The following SPATA21 variants were observed in gnomAD, a reference collection of about 807,000 sequenced individuals.
SPATA21 encodes spermatogenesis-associated protein 21.
Under a neutral mutation model 54.8 loss-of-function variants are expected in SPATA21, and 47 were observed. The ratio of observed to expected loss-of-function variants is 0.86; its 90% CI spans 0.68 to 1.09. The LOEUF (loss-of-function observed/expected upper bound fraction) is 1.09. Ranked by LOEUF, SPATA21 falls within the 50% of genes least tolerant of loss-of-function variation. The pLI is 0.00. For synonymous variants in SPATA21, 245 were observed against 235.3 expected (o/e 1.04, Z -0.38); for missense variants, 599 against 596.4 (o/e 1.00, Z -0.05).
At position 16,404,042 on chromosome 1, in the gene SPATA21, G is replaced by A; in HGVS notation, c.812-3C>T. On this transcript the variant is annotated splice_polypyrimidine_tract_variant and splice_region_variant and intron_variant, in intron 8 of 12. Transcript: ENST00000335496. ...TTTGAAGTCCACACGACCATCTCCT[G>A]TGGAGGCCAGAGGAGTAGGGTGGGC... The A allele has an allele frequency of 6.4e-7, 1 of 1,553,202 alleles. No individual in the cohort carries two copies. Among genetic ancestry groups the A allele is most frequent in the East Asian group, 2.4e-5 (1 of 41,086 alleles).
At chr1:16,406,260 C>G (rs2085637237) in intron 7 of SPATA21, among the ~76,000 whole-genome samples, 1 of 152,178 alleles carries the variant, frequency 6.6e-6, no homozygotes, top group Non-Finnish European at 1.5e-5. Flanking sequence ...GCTGGAGTTA[C>G]AGGCATGAGC....
chr1:16,404,851 G>C, intron 8 of SPATA21, 116 bp downstream of exon 8: 1 of 1,159,452 alleles, frequency 8.6e-7, no homozygotes, highest in Admixed American at 3.6e-5. Context: ...TGTGACAGTA[G>C]AGCATTAAAC....
intron 3 of SPATA21, among the ~76,000 whole-genome samples, chr1:16,423,757 T>C (rs2086239956): frequency 6.6e-6 from 1 of 151,854 alleles, no homozygotes; most frequent in Admixed American, 6.6e-5. Flanking sequence ...TTGGCCAAGC[T>C]GGTCTTGAAC....
chr1:16,413,452 C>T (rs537886072), intron 5 of SPATA21, among the ~76,000 whole-genome samples: 47 of 152,228 alleles, frequency 3.1e-4, no homozygotes, highest in Admixed American at 2.7e-3. Flanking sequence ...ATCTGTTATC[C>T]GTTGTGAATA....
At position 16,399,397 on chromosome 1, in the gene SPATA21, G is replaced by T; in HGVS notation, c.1299C>A (p.Gly433=). 1 of 1,614,028 alleles carries T rather than the reference G, an allele frequency of 6.2e-7. No homozygotes were observed. The highest frequency in any genetic ancestry group is 8.5e-7 in the Non-Finnish European group (1 of 1,180,012). The part of the protein sequence containing the change: ...HYALDQCTPP[G]LDPDIRSPFF... ...AGGGGCTGCGGATGTCAGGATCCAG[G>T]CCAGGGGGTGTGCACTGGTCTAGTG... Residue 433 remains glycine, a synonymous_variant, in exon 12 of 13, where the codon GGC becomes GGA. Transcript: ENST00000335496.
At chr1:16,396,173 C>G (rs1246980281), downstream of SPATA21, 1 of 152,538 alleles carries the variant, frequency 6.6e-6, no homozygotes, top group Non-Finnish European at 1.5e-5. Context: ...GAGTCTGCCT[C>G]CAGGACTCTG....
intron 5 of SPATA21, among the ~76,000 whole-genome samples, chr1:16,419,785 C>A (rs2086117172): frequency 6.6e-6 from 1 of 151,996 alleles, no homozygotes; most frequent in Non-Finnish European, 1.5e-5. Context: ...ACTAAAAATA[C>A]AAAAATTAAC....
chr1:16,409,271 G>T lies in SPATA21; in HGVS notation c.588-68C>A. The T allele has an allele frequency of 1.3e-6, 2 of 1,565,994 alleles. No homozygotes were observed. Among genetic ancestry groups the T allele is most frequent in the Non-Finnish European group, 1.8e-6 (2 of 1,141,644 alleles). On this transcript the variant is annotated intron_variant, in intron 6 of 12. Coordinates refer to ENST00000335496, the MANE Select transcript of SPATA21 (RefSeq NM_198546.1). The surrounding 1 kb of genome is among the most constrained non-coding windows in gnomAD (Gnocchi z 4.1). ...CCACCCTGCTGATAGCTAGGGGAGGGGTTGGGGGAGCCTGCAGGAGGAGGT... is the reference window on the plus strand; with the variant it reads ...CCACCCTGCTGATAGCTAGGGGAGGTGTTGGGGGAGCCTGCAGGAGGAGGT...
chr1:16,409,528 G>A lies in SPATA21; in HGVS notation c.587+73C>T. ...GGGAACAGGCAGGTGCAGGGACAGG[G>A]ACCTGCATCCGGGACAAGGCTCTGA... On this transcript the variant is annotated intron_variant, in intron 6 of 12. Transcript: ENST00000335496. This position sits in a 1 kb window ranked among gnomAD's most constrained non-coding sequence, Gnocchi z 4.1. 6.8e-7 allele frequency: 1 copy of A among 1,464,512 alleles called. No individual in the cohort carries two copies. The highest frequency in any genetic ancestry group is 9.2e-7 in the Non-Finnish European group (1 of 1,082,008). The allele number at this position is 1,464,512 out of a possible 1,614,324, so 90.7% of individuals were successfully genotyped here. A position where few individuals can be genotyped will look rare whatever the true frequency, so the allele number is the denominator to read the frequency against.
At chr1:16,398,372 C>T (rs2100767039), downstream of SPATA21, among the ~76,000 whole-genome samples, 2 of 152,258 alleles carry the variant, frequency 1.3e-5, no homozygotes, top group Non-Finnish European at 1.5e-5. Context: ...GAGGCCACCT[C>T]CTGCTCTTCC....
chr1:16,412,517 T>C (rs138967650), intron 5 of SPATA21, among the ~76,000 whole-genome samples: 6,547 of 152,162 alleles, frequency 0.043, 163 homozygotes, highest in Middle Eastern at 0.11. Context: ...GGCTGGAGGG[T>C]AGTGGCACGA....
At chr1:16,433,514 T>C (rs1409388028) in intron 1 of SPATA21, among the ~76,000 whole-genome samples, 2 of 152,228 alleles carry the variant, frequency 1.3e-5, no homozygotes, top group African/African-American at 4.8e-5. Context: ...CAGGGGTGGA[T>C]GAACCACCTA....
intron 7 of SPATA21, among the ~76,000 whole-genome samples, chr1:16,408,907 G>GC (rs766727122): frequency 7.3e-4 from 84 of 115,702 alleles, no homozygotes; most frequent in Admixed American, 9.7e-4. Flanking sequence ...CATGAGTTCT[G>GC]GCCCCCCCAA....
At chr1:16,413,969 A>T (rs2085927261) in intron 5 of SPATA21, among the ~76,000 whole-genome samples, 1 of 152,042 alleles carries the variant, frequency 6.6e-6, no homozygotes, top group African/African-American at 2.4e-5. Flanking sequence ...AGCAGTACAC[A>T]GATGTTCCAG....
At chr1:16,403,492 CTTT>C (rs1202879935) in intron 10 of SPATA21, among the ~76,000 whole-genome samples, 3 of 83,298 alleles carry the variant, frequency 3.6e-5, no homozygotes, top group African/African-American at 3.2e-5. Flanking sequence ...TCTTTTTTTT[CTTT>C]TTTTTTTTTT....
At chr1:16,410,863 G>A (rs1037217643) in intron 5 of SPATA21, 1 of 381,120 alleles carries the variant, frequency 2.6e-6, no homozygotes, top group Non-Finnish European at 5.3e-6. Flanking sequence ...GGTCTTGAGT[G>A]AGTTACTCCT....
At chr1:16,398,919 G>A (rs928611292) in intron 12 of SPATA21, 97 bp from the exon 13 acceptor site, 148 of 1,267,956 alleles carry the variant, frequency 1.2e-4, no homozygotes, top group Non-Finnish European at 1.6e-4. Flanking sequence ...TGAGGAGAGA[G>A]AGGAGGCCTC....
At chr1:16,398,031 C>T (rs1192020662), downstream of SPATA21, 1 of 894,736 alleles carries the variant, frequency 1.1e-6, no homozygotes, top group African/African-American at 1.8e-5. Context: ...CAGTCTTACT[C>T]TGCTGGTGTA....
At position 16,421,511 on chromosome 1, in the gene SPATA21, GT is replaced by G; in HGVS notation, c.141del (p.Pro48GlnfsTer3). On this transcript the variant is annotated frameshift_variant, in exon 5 of 13. Coordinates refer to ENST00000335496, the MANE Select transcript of SPATA21 (RefSeq NM_198546.1). LOFTEE classifies it high-confidence loss of function. The surrounding 1 kb of genome is among the most constrained non-coding windows in gnomAD (Gnocchi z 5.2). ...ETHPAPGPLP[P>X]PEVRDIGERR... is the part of the protein sequence containing the mutation. ...GTTCCCCCTATGGCCCTACTTACTG[GT>G]GGAGGAAGAGGCCCCGGTGCTGGGT... 6.2e-7 allele frequency: 1 copy of G among 1,613,248 alleles called. No individual in the cohort carries two copies. Among genetic ancestry groups the G allele is most frequent in the African/African-American group, 1.3e-5 (1 of 74,870 alleles).
Sources: gnomAD v4.1 joint callset for allele counts (sites outside exome capture counted in the v4.1 genomes callset) on GRCh38, gnomAD v4.1.1 for gene constraint, Gnocchi (gnomAD v3.1) non-coding constraint, MANE v1.5 for transcripts, NCBI Gene and HGNC (gene_info 2026-07-23, HGNC 2026-07-21) for gene names.